Variants in FABP9 observed in about 807,000 individuals in gnomAD.
The protein encoded by FABP9 is fatty acid binding protein 9.
FABP9 carries 11 observed loss-of-function variants against 14.7 expected under a neutral mutation model. That is an observed-to-expected ratio of 0.75 (90% CI 0.47 to 1.24). FABP9 has a LOEUF of 1.24. Among genes scored for constraint, FABP9 ranks in the 50% most tolerant of loss-of-function variants. The pLI is 0.00. For missense variants in FABP9, 171 were observed against 158.2 expected (o/e 1.08, Z -0.44); for synonymous variants, 54 against 50.6 (o/e 1.07, Z -0.29).
intron 1 of FABP9, 37 bp from the exon 2 acceptor site, chr8:81,459,374 A>C (rs1219961659): frequency 1.4e-6 from 2 of 1,458,110 alleles, no homozygotes; most frequent in Admixed American, 5.8e-5. Context: ...TTATTAAGAC[A>C]TTGTTAACAA....
chr8:81,461,316 G>A (rs1481648597), intron 1 of FABP9, 135 bp downstream of exon 1: 7 of 690,718 alleles, frequency 1.0e-5, no homozygotes, highest in African/African-American at 1.8e-5. Context: ...AAAAGTAGAA[G>A]CATACATTGT....
chr8:81,459,485 T>C (rs1193269885), intron 1 of FABP9, 148 bp from the exon 2 acceptor site: 2 of 668,914 alleles, frequency 3.0e-6, no homozygotes, highest in Non-Finnish European at 4.7e-6. Context: ...ATATCAGGGC[T>C]GAGCTAGATC....
In FABP9 at chr8:81,459,272, C is replaced by T. The variant is rs1336829434; in HGVS notation, c.139G>A (p.Gly47Arg). Residue 47 changes from glycine to arginine, a missense_variant, in exon 2 of 4, where the codon GGG becomes AGG. Physicochemically the swap from Gly to Arg is moderately radical, Grantham distance 125 (BLOSUM62 -2). Coordinates refer to ENST00000379071, the MANE Select transcript of FABP9 (RefSeq NM_001080526.2). ...VKPTVTISVDGKMMTIRTESS... is the reference protein window; with the variant it reads ...VKPTVTISVDRKMMTIRTESS... ...TCTGTTCTTATGGTCATCATTTTCC[C>T]ATCAACACTAATAGTTACTGTCGGT... 1.9e-6 allele frequency: 3 copies of T among 1,581,150 alleles called. No individual in the cohort carries two copies. Among genetic ancestry groups the T allele is most frequent in the South Asian group, 1.2e-5 (1 of 84,446 alleles).
chr8:81,460,266 C>T (rs1317178515), intron 1 of FABP9, among the ~76,000 whole-genome samples: 1 of 152,204 alleles, frequency 6.6e-6, no homozygotes, highest in Non-Finnish European at 1.5e-5. Flanking sequence ...TCCCAAAGTG[C>T]TGGGATTGGA....
rs370458843 is a variant in FABP9, at chr8:81,458,376, C to T, written c.*7G>A. The T allele has an allele frequency of 4.0e-5, 64 of 1,607,546 alleles. No homozygotes were observed. In the Admixed American group the frequency reaches 9.2e-4, roughly 23 times the overall value. Reference sequence around the variant, plus strand: ...GTGAACAAGTTTTCATTGCTGTGGACCTTTCTTCACACCTTTTCGTAGATT... The same window carrying T: ...GTGAACAAGTTTTCATTGCTGTGGATCTTTCTTCACACCTTTTCGTAGATT... On this transcript the variant is annotated 3_prime_UTR_variant, in exon 4 of 4. Transcript: ENST00000379071.
In FABP9 at chr8:81,458,634, T is replaced by C; in HGVS notation, c.316A>G (p.Lys106Glu). The change falls in exon 3 of 4, where the codon AAA (lysine) becomes GAA (glutamate). Residue 106 changes from lysine to glutamate, a missense_variant. Physicochemically the swap from Lys to Glu is moderately conservative, Grantham distance 56. Transcript: ENST00000379071. ...QKWLGKETTI[K>E]RKIVDEKMVV... ...ATTTTTTCATCCACAATTTTTCTTT[T>C]GATTGTTGTCTCTTTGCCAAGCCAT... The C allele has an allele frequency of 1.2e-6, 2 of 1,613,816 alleles. No homozygotes were observed. Among genetic ancestry groups the C allele is most frequent in the Non-Finnish European group, 1.7e-6 (2 of 1,179,812 alleles).
intron 1 of FABP9, among the ~76,000 whole-genome samples, chr8:81,459,833 A>C (rs988688269): frequency 5.9e-5 from 9 of 152,228 alleles, no homozygotes; most frequent in African/African-American, 2.2e-4. Context: ...AAGCAGTGTT[A>C]GACATCTGCA....
At position 81,458,667 on chromosome 8, in the gene FABP9, C is replaced by A. The variant is rs149666583; in HGVS notation, c.283G>T (p.Val95Phe). The change falls in exon 3 of 4, where the codon GTC (valine) becomes TTC (phenylalanine). Residue 95 changes from valine to phenylalanine, a missense_variant. Coordinates refer to ENST00000379071, the MANE Select transcript of FABP9 (RefSeq NM_001080526.2). ...GTCTCTTTGCCAAGCCATTTTTGGA[C>A]GTGAATCATTGAGCCATTCTCTAAT... ...ITLENGSMIHVQKWLGKETTI... is the reference protein window; with the variant it reads ...ITLENGSMIHFQKWLGKETTI... 6.2e-7 allele frequency: 1 copy of A among 1,613,712 alleles called. No individual in the cohort carries two copies. The highest frequency in any genetic ancestry group is 8.5e-7 in the Non-Finnish European group (1 of 1,179,842).
intron 2 of FABP9, 81 bp from the exon 3 acceptor site, chr8:81,458,784 C>CAAAA: frequency 1.0e-6 from 1 of 967,316 alleles, no homozygotes; most frequent in Non-Finnish European, 1.6e-6. Context: ...TTTTTAATTT[C>CAAAA]TATTTTGAAA....
rs551853207 is a variant in FABP9 at position 81,459,355 on chromosome 8, C to A, written c.74-18G>T. 9 of 1,491,050 alleles carry A rather than the reference C, an allele frequency of 6.0e-6. No individual in the cohort carries two copies. Among genetic ancestry groups the A allele is most frequent in the African/African-American group, 1.5e-5 (1 of 67,936 alleles). 92.4% of individuals were successfully genotyped at this position (1,491,050 alleles called of 1,614,324 possible). On this transcript the variant is annotated intron_variant, in intron 1 of 3. Coordinates refer to ENST00000379071, the MANE Select transcript of FABP9 (RefSeq NM_001080526.2). The stretch of plus-strand genomic sequence containing the variant: ...ATTCACTCCTACAAGACAGAGATAG[C>A]CTTGGACCTTATTAAGACATTGTTA...
Position 81,458,494 on chromosome 8 carries a change from T to C in FABP9, c.349-61A>G, listed in dbSNP as rs371297065. Reference sequence around the variant, plus strand: ...TAACAGGCTAAACTTGCCCTGCCCCTTTCTCCTCAGACCAAACCCTTAATT... The same window carrying C: ...TAACAGGCTAAACTTGCCCTGCCCCCTTCTCCTCAGACCAAACCCTTAATT... On this transcript the variant is annotated intron_variant, in intron 3 of 3. Coordinates refer to ENST00000379071, the MANE Select transcript of FABP9 (RefSeq NM_001080526.2). The C allele has an allele frequency of 5.3e-5, 80 of 1,511,678 alleles. No homozygotes were observed. In the African/African-American group the frequency reaches 1.0e-3, roughly 20 times the overall value. 93.6% of individuals were successfully genotyped at this position (1,511,678 alleles called of 1,614,324 possible).
In FABP9 at chr8:81,461,534, T is replaced by C. The variant is rs776556868; in HGVS notation, c.-11A>G. The C allele has an allele frequency of 3.1e-6, 5 of 1,610,794 alleles. No individual in the cohort carries two copies. Among genetic ancestry groups the C allele is most frequent in the Middle Eastern group, 1.7e-4 (1 of 6,050 alleles). On this transcript the variant is annotated 5_prime_UTR_variant, in exon 1 of 4. Coordinates refer to ENST00000379071, the MANE Select transcript of FABP9 (RefSeq NM_001080526.2). ...GAAGGGCTCAACCATCATGGAACAC[T>C]TGCTGAGAAGAGCCACTCGTAATTG... is the stretch of plus-strand genomic sequence containing the variant.
intron 1 of FABP9, among the ~76,000 whole-genome samples, chr8:81,460,272 T>G (rs2129745628): frequency 6.6e-6 from 1 of 152,330 alleles, no homozygotes; most frequent in East Asian, 1.9e-4. Flanking sequence ...AGTGCTGGGA[T>G]TGGAGGCCTG....
chr8:81,458,552 G>A (rs997390196), intron 3 of FABP9, 50 bp downstream of exon 3: 1 of 1,490,838 alleles, frequency 6.7e-7, no homozygotes, highest in Non-Finnish European at 9.4e-7. Flanking sequence ...AACTTGAAAG[G>A]CATGTATCAA....
Position 81,461,550 on chromosome 8 carries a change from C to T in FABP9, c.-27G>A, listed in dbSNP as rs1807695219. 6.3e-7 allele frequency: 1 copy of T among 1,584,540 alleles called. No individual in the cohort carries two copies. The highest frequency in any genetic ancestry group is 8.7e-7 in the Non-Finnish European group (1 of 1,153,362). On this transcript the variant is annotated 5_prime_UTR_variant, in exon 1 of 4. It adds an upstream start codon to the 5' untranslated region. Coordinates refer to ENST00000379071, the MANE Select transcript of FABP9 (RefSeq NM_001080526.2). ...ATGGAACACTTGCTGAGAAGAGCCA[C>T]TCGTAATTGAAAACCAAAGAAATAT...
intron 2 of FABP9, among the ~76,000 whole-genome samples, 189 bp downstream of exon 2, chr8:81,458,972 AAAAC>A (rs778140255): frequency 7.2e-5 from 11 of 152,236 alleles, no homozygotes; most frequent in Non-Finnish European, 1.6e-4. Flanking sequence ...AAATGAAATG[AAAAC>A]AATTTGAATC....
At chr8:81,458,461 C>T (rs28485205) in intron 3 of FABP9, 28 bp from the exon 4 acceptor site, 214,528 of 1,586,632 alleles carry the variant, frequency 0.14, 24,893 homozygotes, top group East Asian at 0.68. Context: ...TCTATTAGAG[C>T]TGGTAGATAA....
chr8:81,460,437 C>T (rs1807673515), intron 1 of FABP9, among the ~76,000 whole-genome samples: 1 of 151,470 alleles, frequency 6.6e-6, no homozygotes, highest in African/African-American at 2.4e-5. Context: ...CCATAAGGCC[C>T]AAGTTTTTTA....
intron 1 of FABP9, among the ~76,000 whole-genome samples, 160 bp downstream of exon 1, chr8:81,461,291 G>A (rs1254327194): frequency 6.6e-6 from 1 of 152,098 alleles, no homozygotes; most frequent in Non-Finnish European, 1.5e-5. Context: ...ATTATTACTA[G>A]TAATTTAAAA....
Sources: allele counts gnomAD v4.1 joint callset (sites outside exome capture counted in the v4.1 genomes callset), GRCh38; gene constraint gnomAD v4.1.1; transcripts MANE v1.5; gene names NCBI Gene and HGNC (gene_info 2026-07-23, HGNC 2026-07-21).